Variants in WRN observed in about 807,000 individuals in gnomAD.
WRN encodes WRN RecQ like helicase.
A neutral mutation model predicts 180.7 loss-of-function variants in WRN; 149 were observed. The observed-to-expected ratio is 0.82, with a 90% CI of 0.72 to 0.94. The LOEUF (loss-of-function observed/expected upper bound fraction) is 0.94, where lower values mean the gene tolerates loss of function less well. Among genes scored for constraint, WRN ranks in the 40% least tolerant of loss-of-function variants. WRN has a pLI of 0.00. For synonymous variants in WRN, 548 were observed against 568.9 expected (o/e 0.96, Z 0.52); for missense variants, 1,661 against 1,700.1 (o/e 0.98, Z 0.40).
At chr8:31,100,374 C>G (rs11574270) in intron 17 of WRN, among the ~76,000 whole-genome samples, 2 of 152,154 alleles carry the variant, frequency 1.3e-5, no homozygotes, top group Non-Finnish European at 2.9e-5. Context: ...TGCTCTAGTA[C>G]TGGCATTTCA....
chr8:31,124,081 C>G (rs1801826344), intron 21 of WRN, among the ~76,000 whole-genome samples: 1 of 152,004 alleles, frequency 6.6e-6, no homozygotes, highest in Admixed American at 6.6e-5. Flanking sequence ...GAGCTTCTTT[C>G]AGTGTTCCTT....
intron 33 of WRN, among the ~76,000 whole-genome samples, chr8:31,159,944 C>CAAA (rs35353095): frequency 0.026 from 2,669 of 101,760 alleles, 129 homozygotes; most frequent in African/African-American, 0.091. Context: ...GACTCTGTCT[C>CAAA]AAAAAAAAAA....
intron 30 of WRN, 65 bp from the exon 31 acceptor site, chr8:31,150,276 G>A: frequency 7.7e-7 from 1 of 1,306,186 alleles, no homozygotes; most frequent in Non-Finnish European, 1.1e-6. Flanking sequence ...CTATATTGCT[G>A]GAGTGATACT....
chr8:31,118,776 G>A (rs1224235701), intron 20 of WRN, among the ~76,000 whole-genome samples: 1 of 151,776 alleles, frequency 6.6e-6, no homozygotes, highest in Non-Finnish European at 1.5e-5. Flanking sequence ...GGCATTTTTA[G>A]TCTTGAACAT....
chr8:31,075,722 A>G (rs1813071403), intron 7 of WRN, among the ~76,000 whole-genome samples: 1 of 151,124 alleles, frequency 6.6e-6, no homozygotes. Context: ...TCTGTCTCAA[A>G]AAAAAAAAAA....
At chr8:31,165,014 A>G (rs990964567) in intron 33 of WRN, among the ~76,000 whole-genome samples, 1 of 152,120 alleles carries the variant, frequency 6.6e-6, no homozygotes, top group Non-Finnish European at 1.5e-5. Context: ...ACTTATATCT[A>G]GAAGTTAACT....
intron 6 of WRN, 44 bp from the exon 7 acceptor site, chr8:31,068,214 G>T: frequency 1.4e-6 from 2 of 1,409,956 alleles, no homozygotes; most frequent in Non-Finnish European, 2.0e-6. Context: ...GTTTTATTTC[G>T]GTGATCTTTA....
chr8:31,131,389 C>G (rs1802165281), intron 23 of WRN: 1 of 152,260 alleles, frequency 6.6e-6, no homozygotes, highest in Non-Finnish European at 1.5e-5. Context: ...TGCCTGACTT[C>G]AAGTGATCCA....
chr8:31,062,019 A>G (rs570088175), intron 3 of WRN, among the ~76,000 whole-genome samples: 1 of 151,758 alleles, frequency 6.6e-6, no homozygotes, highest in South Asian at 2.1e-4. Flanking sequence ...AGGGCTCTGA[A>G]CTCTGTCTCC....
intron 26 of WRN, 133 bp from the exon 27 acceptor site, chr8:31,142,493 A>T (rs1802679985): frequency 1.5e-6 from 1 of 652,546 alleles, no homozygotes; most frequent in Non-Finnish European, 2.4e-6. Context: ...CTAGAAAAAA[A>T]AATCAGTTTT....
intron 1 of WRN, among the ~76,000 whole-genome samples, chr8:31,037,937 T>C (rs1260580182): frequency 1.3e-5 from 2 of 152,226 alleles, no homozygotes; most frequent in Admixed American, 6.5e-5. Flanking sequence ...TTTCTTTTTA[T>C]GGCTGAATAA....
At chr8:31,160,461 CAG>C (rs1229169472) in intron 33 of WRN, among the ~76,000 whole-genome samples, 1 of 152,152 alleles carries the variant, frequency 6.6e-6, no homozygotes, top group African/African-American at 2.4e-5. Context: ...GAAATCAAGG[CAG>C]AGAGAGGAAA....
intron 1 of WRN, among the ~76,000 whole-genome samples, chr8:31,055,335 A>G (rs1812227382): frequency 6.6e-6 from 1 of 152,314 alleles, no homozygotes; most frequent in Admixed American, 6.5e-5. Flanking sequence ...GTCTTCCACA[A>G]TGGTTGAACT....
intron 17 of WRN, among the ~76,000 whole-genome samples, chr8:31,099,876 T>C (rs925180477): frequency 3.3e-5 from 5 of 152,168 alleles, no homozygotes; most frequent in African/African-American, 1.2e-4. Flanking sequence ...ACCATTATTA[T>C]CCACATTTTA....
At chr8:31,044,375 G>T (rs1489811690) in intron 1 of WRN, among the ~76,000 whole-genome samples, 4 of 61,904 alleles carry the variant, frequency 6.5e-5, no homozygotes, top group Non-Finnish European at 8.8e-5. Context: ...TTGAGACGTT[G>T]AGATAGAGTC....
At chr8:31,077,251 CT>C (rs1296265714) in intron 8 of WRN, among the ~76,000 whole-genome samples, 6 of 151,668 alleles carry the variant, frequency 4.0e-5, no homozygotes, top group Non-Finnish European at 5.9e-5. Context: ...ATGTAACTTT[CT>C]TTTTTTTGAG....
At chr8:31,171,448 T>C (rs1804099069) in intron 34 of WRN, 1 of 152,212 alleles carries the variant, frequency 6.6e-6, no homozygotes, top group Admixed American at 6.5e-5. Flanking sequence ...CACTGATCAT[T>C]AGAAAGATGC....
At chr8:31,150,703 G>A (rs931979112) in intron 31 of WRN, among the ~76,000 whole-genome samples, 3 of 152,100 alleles carry the variant, frequency 2.0e-5, no homozygotes, top group Non-Finnish European at 4.4e-5. Flanking sequence ...GGGAGGTTTT[G>A]TTTTTAAATT....
intron 30 of WRN, among the ~76,000 whole-genome samples, chr8:31,149,438 C>T (rs1252137436): frequency 7.2e-6 from 1 of 138,272 alleles, no homozygotes; most frequent in Non-Finnish European, 1.5e-5. Flanking sequence ...ATTCTAAGAC[C>T]ATACTTTAAT....
Sources: allele counts gnomAD v4.1 joint callset (sites outside exome capture counted in the v4.1 genomes callset), GRCh38; gene constraint gnomAD v4.1.1; transcripts MANE v1.5; gene names NCBI Gene and HGNC (gene_info 2026-07-23, HGNC 2026-07-21).